Variants in ZC3H12B observed in about 807,000 individuals in gnomAD.
ZC3H12B encodes probable ribonuclease ZC3H12B.
In ZC3H12B, 7 loss-of-function variants were observed where a neutral mutation model predicts 43.9. That is an observed-to-expected ratio of 0.16 (90% CI 0.09 to 0.30). ZC3H12B has a LOEUF of 0.30. Ranked by LOEUF, ZC3H12B falls within the 10% of genes least tolerant of loss-of-function variation. The probability of loss-of-function intolerance (pLI) is 1.00; values close to 1 mark genes in which losing one functional copy is unlikely to be tolerated. For missense variants in ZC3H12B, 475 were observed against 670.2 expected, an observed-to-expected ratio of 0.71 and a Z score of 3.22; for synonymous variants, 222 against 241.7, an observed-to-expected ratio of 0.92 and a Z score of 0.76.
chrX:65,365,130 C>T (rs933880057), upstream of ZC3H12B, among the ~76,000 whole-genome samples: 1 of 110,970 alleles, frequency 9.0e-6, no homozygotes, highest in East Asian at 2.8e-4. Context: ...AACCTTCATA[C>T]CCCTTACCAT....
chrX:65,374,110 T>A (rs1483471720), intron 2 of ZC3H12B, among the ~76,000 whole-genome samples: 1 of 69,026 alleles, frequency 1.4e-5, no homozygotes, highest in Non-Finnish European at 2.4e-5. Flanking sequence ...TATATATAGG[T>A]TATATATAAC....
At chrX:65,185,996 A>G in the ZC3H12B span, 7 of 111,790 alleles carry the variant, frequency 6.3e-5, no homozygotes, top group Non-Finnish European at 1.1e-4. Context: ...GTTTAACAGT[A>G]CTACAATCAG....
chrX:65,068,391 G>A, the ZC3H12B span, among the ~76,000 whole-genome samples: 9 of 109,094 alleles, frequency 8.2e-5, no homozygotes, highest in South Asian at 3.1e-3. Context: ...TGTGATTTTT[G>A]GTTTGAGGTT....
chrX:65,081,763 A>G, the ZC3H12B span, among the ~76,000 whole-genome samples: 3 of 111,883 alleles, frequency 2.7e-5, no homozygotes, highest in Non-Finnish European at 5.7e-5. Flanking sequence ...GACTTAATCT[A>G]AACTGTAGAC....
the ZC3H12B span, among the ~76,000 whole-genome samples, chrX:65,093,454 C>T: frequency 1.8e-5 from 2 of 112,060 alleles, no homozygotes; most frequent in Non-Finnish European, 3.8e-5. Context: ...ACACTCAACA[C>T]CAACCCTTGA....
the ZC3H12B span, among the ~76,000 whole-genome samples, chrX:65,098,431 A>G: frequency 1.8e-5 from 2 of 111,177 alleles, no homozygotes; most frequent in African/African-American, 6.5e-5. Context: ...GAGAATTCCA[A>G]AGAATACAAG....
At chrX:65,199,261 G>T in the ZC3H12B span, among the ~76,000 whole-genome samples, 1 of 106,876 alleles carries the variant, frequency 9.4e-6, no homozygotes, top group Non-Finnish European at 1.9e-5. Flanking sequence ...GATCAGTTCT[G>T]CTGTTAAGAG....
chrX:65,306,207 A>T, the ZC3H12B span, among the ~76,000 whole-genome samples: 1 of 112,036 alleles, frequency 8.9e-6, no homozygotes, highest in Non-Finnish European at 1.9e-5. Context: ...ATATTTTTTA[A>T]AAGTTGATTA....
At chrX:65,043,532 C>T in the ZC3H12B span, among the ~76,000 whole-genome samples, 6 of 109,527 alleles carry the variant, frequency 5.5e-5, no homozygotes, top group Non-Finnish European at 9.5e-5. Context: ...TAATCTGAAC[C>T]TTGTGGTTTC....
chrX:65,365,186 G>A (rs190264856), upstream of ZC3H12B, among the ~76,000 whole-genome samples: 3 of 110,994 alleles, frequency 2.7e-5, no homozygotes, highest in Admixed American at 2.9e-4. Flanking sequence ...TCTTTTAAAA[G>A]CACACCTCAC....
intron 3 of ZC3H12B, among the ~76,000 whole-genome samples, chrX:65,445,247 T>C (rs1325176281): frequency 2.7e-5 from 3 of 112,345 alleles, no homozygotes; most frequent in African/African-American, 9.7e-5. Flanking sequence ...TCATGTTTCC[T>C]GGATTGTCTT....
intron 3 of ZC3H12B, among the ~76,000 whole-genome samples, chrX:65,440,990 A>T (rs1013888950): frequency 7.1e-5 from 8 of 112,352 alleles, no homozygotes; most frequent in Non-Finnish European, 1.5e-4. Flanking sequence ...GCTGCCATCA[A>T]AATTTTTTTC....
At chrX:65,309,162 AAC>A in the ZC3H12B span, among the ~76,000 whole-genome samples, 2 of 88,497 alleles carry the variant, frequency 2.3e-5, no homozygotes, top group Non-Finnish European at 3.8e-5. Context: ...AGGAGCTAGA[AAC>A]ACAAAAAAAA....
the ZC3H12B span, among the ~76,000 whole-genome samples, chrX:65,166,150 CTCA>C: frequency 9.0e-6 from 1 of 110,970 alleles, no homozygotes. Flanking sequence ...CACCCATTAA[CTCA>C]TCATTTACAT....
At chrX:65,354,721 G>T in the ZC3H12B span, among the ~76,000 whole-genome samples, 2 of 111,892 alleles carry the variant, frequency 1.8e-5, no homozygotes, top group Admixed American at 9.4e-5. Flanking sequence ...TTGAAAAAAG[G>T]TTAGAGGTAT....
the ZC3H12B span, among the ~76,000 whole-genome samples, chrX:65,264,555 A>G: frequency 1.2e-4 from 13 of 111,917 alleles, no homozygotes; most frequent in African/African-American, 4.2e-4. Flanking sequence ...ATTTTAAATA[A>G]CCAATAATAT....
chrX:65,079,568 C>A, the ZC3H12B span, among the ~76,000 whole-genome samples: 6 of 112,454 alleles, frequency 5.3e-5, no homozygotes, highest in African/African-American at 1.9e-4. Context: ...GGGAAAAGAA[C>A]AAGTATTTGC....
chrX:65,372,539 A>AGGAG (rs2066261909), intron 2 of ZC3H12B, among the ~76,000 whole-genome samples: 1 of 103,129 alleles, frequency 9.7e-6, no homozygotes, highest in Admixed American at 1.0e-4. Context: ...GAAGGAAGGA[A>AGGAG]GGAAGGAAAA....
chrX:65,341,679 C>A, the ZC3H12B span, among the ~76,000 whole-genome samples: 1 of 110,692 alleles, frequency 9.0e-6, no homozygotes, highest in African/African-American at 3.3e-5. Context: ...TAGTTACCAC[C>A]AGACCTGCCT....
Sources: allele counts gnomAD v4.1 joint callset (sites outside exome capture counted in the v4.1 genomes callset), GRCh38; gene constraint gnomAD v4.1.1; transcripts MANE v1.5; gene names NCBI Gene and HGNC (gene_info 2026-07-23, HGNC 2026-07-21).